PIEZO2: variants seen among roughly 807,000 people sequenced by gnomAD.
The protein encoded by PIEZO2 is piezo type mechanosensitive ion channel component 2, also known as piezo-type mechanosensitive ion channel component 2.
PIEZO2 carries 172 observed loss-of-function variants against 337.3 expected under a neutral mutation model. That is an observed-to-expected ratio of 0.51 (90% CI 0.45 to 0.58). PIEZO2 has a LOEUF of 0.58. PIEZO2 is among the 20% of genes least tolerant of loss of function. PIEZO2 has a pLI of 0.00. For missense variants in PIEZO2, 3,028 were observed against 3,391.3 expected (o/e 0.89, Z 2.66); for synonymous variants, 1,251 against 1,228.5 (o/e 1.02, Z -0.38).
chr18:10,829,035 A>T (rs1389014314), intron 7 of PIEZO2, among the ~76,000 whole-genome samples: 1 of 152,088 alleles, frequency 6.6e-6, no homozygotes, highest in Non-Finnish European at 1.5e-5. Context: ...ATGATTTTTT[A>T]AATGATTTTT....
intron 2 of PIEZO2, among the ~76,000 whole-genome samples, chr18:10,984,643 T>C (rs928933239): frequency 2.0e-5 from 3 of 151,940 alleles, no homozygotes; most frequent in South Asian, 2.1e-4. Context: ...TAAGAAGTAG[T>C]AGAGAAAAAT....
intron 1 of PIEZO2, among the ~76,000 whole-genome samples, chr18:11,108,459 C>CA (rs202239380): frequency 0.55 from 83,417 of 150,514 alleles, 23,236 homozygotes; most frequent in East Asian, 0.65. Flanking sequence ...ACTAAAAATA[C>CA]AAAAAGTAGC....
At chr18:11,018,448 G>C (rs1455693894) in intron 2 of PIEZO2, among the ~76,000 whole-genome samples, 1 of 145,244 alleles carries the variant, frequency 6.9e-6, no homozygotes. Flanking sequence ...AATAAAGGAA[G>C]AACATGAGCT....
At chr18:10,966,978 C>G (rs1416437811) in intron 3 of PIEZO2, among the ~76,000 whole-genome samples, 2 of 149,510 alleles carry the variant, frequency 1.3e-5, no homozygotes, top group African/African-American at 4.9e-5. Context: ...GAGTAGTATT[C>G]CATGATATGT....
chr18:10,996,398 T>G (rs2035320920), intron 2 of PIEZO2, among the ~76,000 whole-genome samples: 1 of 152,264 alleles, frequency 6.6e-6, no homozygotes, highest in African/African-American at 2.4e-5. Flanking sequence ...AGTTGAATAA[T>G]TCAATGGCAT....
chr18:10,732,500 A>G (rs191090996), intron 35 of PIEZO2, among the ~76,000 whole-genome samples: 3 of 152,366 alleles, frequency 2.0e-5, no homozygotes, highest in East Asian at 3.9e-4. Flanking sequence ...GAAAGTAAAG[A>G]GAGACTCAAC....
intron 9 of PIEZO2, among the ~76,000 whole-genome samples, chr18:10,802,688 T>C (rs1329882025): frequency 2.0e-5 from 3 of 152,146 alleles, no homozygotes; most frequent in East Asian, 1.9e-4. Flanking sequence ...AGTATTTTAG[T>C]GCCGGGCGCA....
At chr18:10,684,522 T>C (rs918874466) in intron 49 of PIEZO2, among the ~76,000 whole-genome samples, 2 of 148,972 alleles carry the variant, frequency 1.3e-5, no homozygotes. Context: ...TGGGGTGCGG[T>C]GGTGCAGTCT....
At chr18:10,686,476 A>G (rs1176892517) in intron 49 of PIEZO2, among the ~76,000 whole-genome samples, 1 of 152,234 alleles carries the variant, frequency 6.6e-6, no homozygotes, top group Non-Finnish European at 1.5e-5. Flanking sequence ...CCAGGACAGC[A>G]TAGGGAGGCA....
intron 4 of PIEZO2, among the ~76,000 whole-genome samples, chr18:10,898,780 C>G (rs1277441920): frequency 6.6e-6 from 1 of 152,096 alleles, no homozygotes; most frequent in Non-Finnish European, 1.5e-5. Context: ...GAGAAGTGAA[C>G]ATCAATCTTT....
intron 37 of PIEZO2, among the ~76,000 whole-genome samples, chr18:10,717,047 C>T (rs141797857): frequency 1.8e-4 from 28 of 152,300 alleles, no homozygotes; most frequent in African/African-American, 6.7e-4. Context: ...TAAGAGCACA[C>T]ACTCTGGATT....
In PIEZO2 at chr18:10,934,059, G is replaced by A. The variant is rs541533423; in HGVS notation, c.287-22831C>T. Among the ~76,000 whole-genome samples the A allele has an allele frequency of 2.1e-4, 32 of 152,308 alleles. No individual in the cohort carries two copies. The South Asian group carries it at 5.0e-3, about 24-fold the overall frequency. On this transcript the variant is annotated intron_variant, in intron 3 of 55. Transcript: ENST00000674853. ...AGCATGAGAACAGACTAATACAGGT[G>A]GTAACTCAGGTGAACAGATGGCATG...
chr18:11,113,909 T>G (rs2039810712), intron 1 of PIEZO2, among the ~76,000 whole-genome samples: 1 of 152,238 alleles, frequency 6.6e-6, no homozygotes, highest in African/African-American at 2.4e-5. Flanking sequence ...CATTGTCCTC[T>G]TTTAATATTT....
rs1263184000 is a variant in PIEZO2 at position 11,038,280 on chromosome 18, G to T, written c.160+27847C>A. On this transcript the variant is annotated intron_variant, in intron 2 of 55. Transcript: ENST00000674853. The surrounding 1 kb of genome is among the most constrained non-coding windows in gnomAD (Gnocchi z 4.1). ...ATATTCTGCTTGGATAATGTAAATTGCTTGCAAGAAAAAGCCACAAATCTT... is the reference window on the plus strand; with the variant it reads ...ATATTCTGCTTGGATAATGTAAATTTCTTGCAAGAAAAAGCCACAAATCTT... Among the ~76,000 whole-genome samples the T allele has an allele frequency of 6.6e-6, 1 of 151,964 alleles. No individual in the cohort carries two copies. Among genetic ancestry groups the T allele is most frequent in the Non-Finnish European group, 1.5e-5 (1 of 68,012 alleles).
chr18:10,791,855 C>T (rs1436567986), intron 13 of PIEZO2, among the ~76,000 whole-genome samples: 1 of 152,172 alleles, frequency 6.6e-6, no homozygotes, highest in Non-Finnish European at 1.5e-5. Context: ...TTCATAGTAA[C>T]ATTTTCTTAA....
chr18:10,803,927 C>A lies in PIEZO2; in HGVS notation c.1148G>T (p.Gly383Val), dbSNP rs1298525522. Residue 383 changes from glycine to valine, a missense_variant, in exon 9 of 56, where the codon GGG becomes GTG. Gly to Val is a moderately radical substitution (Grantham distance 109). This residue lies in a region of PIEZO2 where 542 missense variants were observed against 605.6 expected (regional missense o/e 0.89). Coordinates refer to ENST00000674853, the MANE Select transcript of PIEZO2 (RefSeq NM_001378183.1). Reference sequence around the variant, plus strand: ...TGCGTACCACAGGCTCCGCCTCCTCCCCGCTGTTATTTGGATGGGGCTACA... The same window carrying A: ...TGCGTACCACAGGCTCCGCCTCCTCACCGCTGTTATTTGGATGGGGCTACA... ...LACSPIQITA[G>V]RRRSLWYATH... 6.5e-7 allele frequency: 1 copy of A among 1,537,342 alleles called. No homozygotes were observed. The highest frequency in any genetic ancestry group is 8.7e-7 in the Non-Finnish European group (1 of 1,146,942).
chr18:10,759,829 A>C lies in PIEZO2; in HGVS notation c.3531T>G (p.Ala1177=). The C allele has an allele frequency of 6.5e-7, 1 of 1,537,424 alleles. No homozygotes were observed. The highest frequency in any genetic ancestry group is 1.7e-4 in the Middle Eastern group (1 of 5,990). ...YAMIHACWLI[A]VLYRRRRKAI... ...CTTTCCTTCTGCGTCTATATAAGACAGCGATCAGCCAGCAGGCGTGGATCA... is the reference window on the plus strand; with the variant it reads ...CTTTCCTTCTGCGTCTATATAAGACCGCGATCAGCCAGCAGGCGTGGATCA... The change falls in exon 25 of 56, where the codon GCT becomes GCG. Residue 1177 remains alanine (A), a synonymous_variant. Coordinates refer to ENST00000674853, the MANE Select transcript of PIEZO2 (RefSeq NM_001378183.1). This position sits in a 1 kb window ranked among gnomAD's most constrained non-coding sequence, Gnocchi z 5.5.
intron 4 of PIEZO2, among the ~76,000 whole-genome samples, chr18:10,873,978 T>C (rs550412130): frequency 1.3e-5 from 2 of 152,148 alleles, no homozygotes; most frequent in African/African-American, 4.8e-5. Flanking sequence ...TGGGATTATA[T>C]CAAGCTAAAG....
intron 4 of PIEZO2, among the ~76,000 whole-genome samples, chr18:10,896,959 C>T (rs1248760142): frequency 6.6e-6 from 1 of 152,232 alleles, no homozygotes; most frequent in East Asian, 1.9e-4. Context: ...TCAACCACCC[C>T]ACATAAGGTG....
Sources: gnomAD v4.1 joint callset for allele counts (sites outside exome capture counted in the v4.1 genomes callset) on GRCh38, gnomAD v4.1.1 for gene constraint, gnomAD v4.1.1 regional missense constraint, Gnocchi (gnomAD v3.1) non-coding constraint, MANE v1.5 for transcripts, NCBI Gene and HGNC (gene_info 2026-07-23, HGNC 2026-07-21) for gene names.